The following SPATA17 variants were observed in gnomAD, a reference collection of about 807,000 sequenced individuals.
SPATA17 encodes the protein spermatogenesis associated 17.
SPATA17 carries 53 observed loss-of-function variants against 62.2 expected under a neutral mutation model. The observed-to-expected ratio is 0.85, with a 90% CI of 0.68 to 1.07. The LOEUF is 1.07. Among genes scored for constraint, SPATA17 ranks in the 50% least tolerant of loss-of-function variants. The pLI is 0.00. For missense variants in SPATA17, 466 were observed against 425.5 expected, an observed-to-expected ratio of 1.10 and a Z score of -0.84; for synonymous variants, 146 against 146.8, an observed-to-expected ratio of 0.99 and a Z score of 0.04.
chr1:217,750,494 G>C (rs1484312738), intron 6 of SPATA17, among the ~76,000 whole-genome samples: 4 of 152,140 alleles, frequency 2.6e-5, no homozygotes, highest in Non-Finnish European at 5.9e-5. Context: ...ATTTTGCTTA[G>C]AGTCACTGCT....
intron 4 of SPATA17, among the ~76,000 whole-genome samples, chr1:217,681,747 C>A (rs1364182974): frequency 4.6e-5 from 7 of 151,916 alleles, no homozygotes; most frequent in Admixed American, 4.6e-4. Flanking sequence ...TTTAAATGGC[C>A]ATGTTTTAAA....
intron 4 of SPATA17, among the ~76,000 whole-genome samples, chr1:217,678,621 A>G (rs996298019): frequency 1.3e-5 from 2 of 152,208 alleles, no homozygotes; most frequent in African/African-American, 4.8e-5. Flanking sequence ...AATCTTTTCT[A>G]TGGCAGATGG....
At chr1:217,772,099 C>T (rs1673462315) in intron 6 of SPATA17, among the ~76,000 whole-genome samples, 1 of 151,436 alleles carries the variant, frequency 6.6e-6, no homozygotes, top group Non-Finnish European at 1.5e-5. Flanking sequence ...TCACAATAGT[C>T]TTTTAAAAAT....
chr1:217,770,978 ATTTTTTTTTTTT>A (rs374042087), intron 6 of SPATA17, among the ~76,000 whole-genome samples: 572 of 50,194 alleles, frequency 0.011, 7 homozygotes, highest in Middle Eastern at 0.02. Context: ...AACTCATTGC[ATTTTTTTTTTTT>A]TTTTTTTTTT....
chr1:217,648,839 A>G, intron 1 of SPATA17, 43 bp from the exon 2 acceptor site: 1 of 1,260,928 alleles, frequency 7.9e-7, no homozygotes, highest in Non-Finnish European at 1.1e-6. Context: ...CTTTAGAATT[A>G]TATTAGTTAC....
At chr1:217,787,066 C>T (rs1172283324) in intron 8 of SPATA17, among the ~76,000 whole-genome samples, 1 of 152,058 alleles carries the variant, frequency 6.6e-6, no homozygotes, top group East Asian at 1.9e-4. Context: ...GTTACCTTCT[C>T]CTCCAGCATC....
intron 9 of SPATA17, among the ~76,000 whole-genome samples, chr1:217,844,059 G>A (rs1675469428): frequency 6.6e-6 from 1 of 152,120 alleles, no homozygotes; most frequent in African/African-American, 2.4e-5. Flanking sequence ...AACTATTCAA[G>A]CTAGTACATT....
intron 4 of SPATA17, among the ~76,000 whole-genome samples, chr1:217,677,780 T>G (rs1373776054): frequency 6.6e-6 from 1 of 152,118 alleles, no homozygotes; most frequent in Non-Finnish European, 1.5e-5. Context: ...ATAAGGCTAG[T>G]GAGAGTGGGG....
intron 9 of SPATA17, among the ~76,000 whole-genome samples, chr1:217,803,657 C>A (rs1037395634): frequency 3.3e-5 from 5 of 152,126 alleles, no homozygotes; most frequent in African/African-American, 2.4e-5. Context: ...TCCATATAAA[C>A]AAAGTGATCA....
intron 6 of SPATA17, among the ~76,000 whole-genome samples, chr1:217,769,634 T>G (rs1482949836): frequency 3.3e-5 from 5 of 152,224 alleles, no homozygotes. Flanking sequence ...TCAAAACATT[T>G]AAAAATTCCT....
chr1:217,790,423 A>C (rs2102981646), intron 8 of SPATA17, among the ~76,000 whole-genome samples: 1 of 152,162 alleles, frequency 6.6e-6, no homozygotes, highest in East Asian at 1.9e-4. Flanking sequence ...AATATCAGTA[A>C]AAAGTAAGTA....
chr1:217,635,718 T>C (rs1313371379), intron 1 of SPATA17, among the ~76,000 whole-genome samples: 1 of 150,606 alleles, frequency 6.6e-6, no homozygotes, highest in African/African-American at 2.4e-5. Flanking sequence ...TGGCAAGTGG[T>C]TGAGTGAGTT....
intron 3 of SPATA17, 50 bp from the exon 4 acceptor site, chr1:217,668,983 C>T (rs1173300117): frequency 6.7e-7 from 1 of 1,485,206 alleles, no homozygotes; most frequent in Non-Finnish European, 9.4e-7. Flanking sequence ...ATAGGCTGCA[C>T]TGTCTTTGTG....
At chr1:217,775,476 G>A (rs142627966) in intron 7 of SPATA17, among the ~76,000 whole-genome samples, 36 of 152,064 alleles carry the variant, frequency 2.4e-4, no homozygotes, top group African/African-American at 7.0e-4. Context: ...AGGCCAAGGC[G>A]GACAGATCAC....
rs184198963 is a variant in SPATA17, at chr1:217,869,041, G to A, written c.*2022G>A. On this transcript the variant is annotated 3_prime_UTR_variant, in exon 11 of 11. Coordinates refer to ENST00000366933, the MANE Select transcript of SPATA17 (RefSeq NM_138796.4). Reference sequence around the variant, plus strand: ...TGGCCAAGGTTAAGGACATGCCCTTGACACTGCACCTGTCAGTACAGGTCC... The same window carrying A: ...TGGCCAAGGTTAAGGACATGCCCTTAACACTGCACCTGTCAGTACAGGTCC... The A allele has an allele frequency of 6.6e-6, 1 of 152,294 alleles. No homozygotes were observed. The allele number at this position is 152,294 out of a possible 1,614,324, so 9.4% of individuals were successfully genotyped here.
chr1:217,723,381 C>T (rs1384910242), intron 5 of SPATA17, among the ~76,000 whole-genome samples: 2 of 152,132 alleles, frequency 1.3e-5, no homozygotes, highest in Non-Finnish European at 2.9e-5. Flanking sequence ...TTCTATCCTT[C>T]AGATATCCTC....
At chr1:217,791,447 G>T (rs1362283279) in intron 8 of SPATA17, among the ~76,000 whole-genome samples, 2 of 152,112 alleles carry the variant, frequency 1.3e-5, no homozygotes, top group African/African-American at 2.4e-5. Flanking sequence ...GTCTACAAAA[G>T]AGCCCTGTAT....
chr1:217,841,019 G>A (rs1278654279), intron 9 of SPATA17, among the ~76,000 whole-genome samples: 2 of 150,614 alleles, frequency 1.3e-5, no homozygotes, highest in Admixed American at 1.3e-4. Context: ...ATAAAAAAAT[G>A]TTACTTTAAA....
intron 5 of SPATA17, among the ~76,000 whole-genome samples, chr1:217,690,636 C>G (rs1671330386): frequency 1.0e-5 from 1 of 96,786 alleles, no homozygotes; most frequent in Non-Finnish European, 2.0e-5. Flanking sequence ...CTATCCCTCC[C>G]CCCTCCCCCC....
Sources: allele counts gnomAD v4.1 joint callset (sites outside exome capture counted in the v4.1 genomes callset), GRCh38; gene constraint gnomAD v4.1.1; transcripts MANE v1.5; gene names NCBI Gene and HGNC (gene_info 2026-07-23, HGNC 2026-07-21).